Variants in NTNG1 observed in about 807,000 individuals in gnomAD.
NTNG1 encodes the protein netrin G1, also known as netrin-G1.
Under a neutral mutation model 54.0 loss-of-function variants are expected in NTNG1, and 16 were observed. That is an observed-to-expected ratio of 0.30 (90% confidence interval 0.20 to 0.45). NTNG1 has a LOEUF of 0.45. Among genes scored for constraint, NTNG1 ranks in the 20% least tolerant of loss-of-function variants. NTNG1 has a pLI of 1.00. For missense variants in NTNG1, 530 were observed against 678.7 expected, an observed-to-expected ratio of 0.78 and a Z score of 2.43; for synonymous variants, 255 against 263.1, an observed-to-expected ratio of 0.97 and a Z score of 0.30.
At chr1:107,423,606 A>G (rs1180964149) in intron 5 of NTNG1, among the ~76,000 whole-genome samples, 2 of 152,154 alleles carry the variant, frequency 1.3e-5, no homozygotes, top group Non-Finnish European at 2.9e-5. Context: ...ACATACAGCT[A>G]AAGACCCCCT....
intron 2 of NTNG1, among the ~76,000 whole-genome samples, chr1:107,234,501 A>G (rs1259107458): frequency 6.6e-6 from 1 of 152,140 alleles, no homozygotes; most frequent in Non-Finnish European, 1.5e-5. Context: ...CTCTGTGGCA[A>G]GCACTGTTCT....
At chr1:107,144,848 G>A (rs1220539626) in intron 1 of NTNG1, among the ~76,000 whole-genome samples, 1 of 151,962 alleles carries the variant, frequency 6.6e-6, no homozygotes, top group Non-Finnish European at 1.5e-5. Context: ...TATCAAAGGA[G>A]ACTTCTCAGT....
chr1:107,366,362 T>C (rs923996721), intron 3 of NTNG1, among the ~76,000 whole-genome samples: 1 of 152,196 alleles, frequency 6.6e-6, no homozygotes, highest in Non-Finnish European at 1.5e-5. Context: ...GGATGGCTAC[T>C]GAACAGATGT....
rs773069102 is a variant in NTNG1, at chr1:107,148,554, C to T, written c.-40C>T. Reference sequence around the variant, plus strand: ...CAAAGATCGCAGATCATAAAGCAAGCTCTGCTTTAGTTTCCAAGAAGATTA... The same window carrying T: ...CAAAGATCGCAGATCATAAAGCAAGTTCTGCTTTAGTTTCCAAGAAGATTA... On this transcript the variant is annotated 5_prime_UTR_variant, in exon 2 of 8. Coordinates refer to ENST00000370068, the MANE Select transcript of NTNG1 (RefSeq NM_001113226.3). 4 of 1,594,666 alleles carry T rather than the reference C, an allele frequency of 2.5e-6. No homozygotes were observed. Among genetic ancestry groups the T allele is most frequent in the South Asian group, 1.1e-5 (1 of 90,272 alleles).
At chr1:107,433,939 C>A (rs646547) in intron 6 of NTNG1, among the ~76,000 whole-genome samples, 144,226 of 152,208 alleles carry the variant, frequency 0.95, 68,707 homozygotes, top group East Asian at 1. Flanking sequence ...AAAGGGCTTG[C>A]GGCAGGACTG....
intron 2 of NTNG1, among the ~76,000 whole-genome samples, chr1:107,296,397 A>G (rs1017536708): frequency 3.9e-5 from 6 of 152,052 alleles, no homozygotes; most frequent in Non-Finnish European, 5.9e-5. Flanking sequence ...AGTACAATGT[A>G]TGCACATTGC....
chr1:107,371,955 G>T (rs1418290272), intron 3 of NTNG1, among the ~76,000 whole-genome samples: 2 of 152,082 alleles, frequency 1.3e-5, no homozygotes, highest in Non-Finnish European at 2.9e-5. Context: ...TCCTATGAGT[G>T]TCCTGTCAGC....
At chr1:107,189,680 A>G (rs1324911238) in intron 2 of NTNG1, among the ~76,000 whole-genome samples, 1 of 152,110 alleles carries the variant, frequency 6.6e-6, no homozygotes. Flanking sequence ...TCAGTTGCCC[A>G]TCATCCTATC....
chr1:107,256,295 C>G (rs1342355692), intron 2 of NTNG1, among the ~76,000 whole-genome samples: 1 of 152,162 alleles, frequency 6.6e-6, no homozygotes, highest in East Asian at 1.9e-4. Flanking sequence ...AAGCTGGTAA[C>G]CAGGGTGGTG....
chr1:107,403,211 A>C (rs186215009), intron 4 of NTNG1, among the ~76,000 whole-genome samples: 1 of 152,262 alleles, frequency 6.6e-6, no homozygotes, highest in East Asian at 1.9e-4. Flanking sequence ...AAACAAACGT[A>C]AGTGGGAGAA....
At chr1:107,290,795 A>G (rs1271358143) in intron 2 of NTNG1, among the ~76,000 whole-genome samples, 1 of 151,746 alleles carries the variant, frequency 6.6e-6, no homozygotes, top group Non-Finnish European at 1.5e-5. Context: ...TAATACAATA[A>G]TAATAAGATT....
At chr1:107,276,490 G>A (rs1014688077) in intron 2 of NTNG1, among the ~76,000 whole-genome samples, 3 of 151,824 alleles carry the variant, frequency 2.0e-5, no homozygotes, top group Admixed American at 2.0e-4. Context: ...ATGCCTACTC[G>A]AATTTCAAGG....
At chr1:107,181,900 G>A (rs1449293821) in intron 2 of NTNG1, among the ~76,000 whole-genome samples, 1 of 151,926 alleles carries the variant, frequency 6.6e-6, no homozygotes, top group Non-Finnish European at 1.5e-5. Flanking sequence ...GCACTGATTT[G>A]CATCTCATTC....
intron 7 of NTNG1, among the ~76,000 whole-genome samples, chr1:107,454,493 A>C (rs545873964): frequency 1.1e-4 from 17 of 152,124 alleles, no homozygotes; most frequent in Non-Finnish European, 2.4e-4. Flanking sequence ...ACGGGCTTTC[A>C]TTCCAAGGAT....
intron 7 of NTNG1, among the ~76,000 whole-genome samples, chr1:107,480,327 A>T (rs1287890594): frequency 6.6e-6 from 1 of 152,204 alleles, no homozygotes; most frequent in African/African-American, 2.4e-5. Flanking sequence ...AACTAGGACT[A>T]TTGCATTACT....
chr1:107,369,345 A>G (rs1670784059), intron 3 of NTNG1, among the ~76,000 whole-genome samples: 1 of 152,150 alleles, frequency 6.6e-6, no homozygotes, highest in Non-Finnish European at 1.5e-5. Flanking sequence ...CTTAGTTATA[A>G]TACGTTACAT....
intron 3 of NTNG1, among the ~76,000 whole-genome samples, chr1:107,390,130 G>T (rs1672275628): frequency 6.6e-6 from 1 of 152,132 alleles, no homozygotes; most frequent in African/African-American, 2.4e-5. Flanking sequence ...ATGAAAGGGA[G>T]TCCTCTCCAA....
intron 5 of NTNG1, among the ~76,000 whole-genome samples, chr1:107,426,209 A>G (rs985095523): frequency 4.6e-5 from 7 of 151,622 alleles, no homozygotes; most frequent in African/African-American, 1.7e-4. Flanking sequence ...TTTTTGTTGT[A>G]TTTGTTTTTT....
chr1:107,334,873 G>T (rs1181860594), intron 3 of NTNG1, among the ~76,000 whole-genome samples: 1 of 151,952 alleles, frequency 6.6e-6, no homozygotes, highest in Middle Eastern at 3.2e-3. Flanking sequence ...ACCATTCTGA[G>T]GACGGTTTTC....
Sources: allele counts gnomAD v4.1 joint callset (sites outside exome capture counted in the v4.1 genomes callset), GRCh38; gene constraint gnomAD v4.1.1; transcripts MANE v1.5; gene names NCBI Gene and HGNC (gene_info 2026-07-23, HGNC 2026-07-21).